Variants in C1orf198 observed in about 807,000 individuals in gnomAD.
C1orf198 encodes the protein chromosome 1 open reading frame 198, also known as uncharacterized protein C1orf198.
A neutral mutation model predicts 31.4 loss-of-function variants in C1orf198; 17 were observed. The observed-to-expected ratio is 0.54, with a 90% confidence interval of 0.37 to 0.81. C1orf198 has a LOEUF of 0.81. Ranked by LOEUF, C1orf198 falls within the 40% of genes least tolerant of loss-of-function variation. C1orf198 has a pLI of 0.00. For synonymous variants in C1orf198, 175 were observed against 193.8 expected (o/e 0.90, Z 0.81); for missense variants, 401 against 450.3 (o/e 0.89, Z 0.99).
rs538744259 is a variant in C1orf198 at position 230,850,724 on chromosome 1, C to G, written c.384+4944G>C. ...GGGACTGCTGGGCAGAGATGGGGGT[C>G]TCGGTGAGAAGCACAGAGACCAAGT... On this transcript the variant is annotated intron_variant, in intron 2 of 3. Transcript: ENST00000366663. Among the ~76,000 whole-genome samples the G allele has an allele frequency of 2.0e-5, 3 of 151,844 alleles. No homozygotes were observed. In the East Asian group the frequency reaches 5.8e-4, roughly 30 times the overall value.
chr1:230,849,776 A>G (rs1247356871), intron 2 of C1orf198, among the ~76,000 whole-genome samples: 1 of 152,264 alleles, frequency 6.6e-6, no homozygotes, highest in Non-Finnish European at 1.5e-5. Flanking sequence ...AGAAAAGATC[A>G]TCATTTACTG....
chr1:230,868,701 A>G (rs866123755), upstream of C1orf198: 75 of 170,662 alleles, frequency 4.4e-4, no homozygotes, highest in Middle Eastern at 8.8e-3. Context: ...CCTCCCCGGG[A>G]GCTCCTCCCT....
At position 230,839,765 on chromosome 1, in the gene C1orf198, T is replaced by C. The variant is rs1031368907; in HGVS notation, c.*87A>G. 25 of 1,121,878 alleles carry C rather than the reference T, an allele frequency of 2.2e-5. No individual in the cohort carries two copies. In the African/African-American group the frequency reaches 3.2e-4, roughly 14 times the overall value. 69.5% of individuals were successfully genotyped at this position (1,121,878 alleles called of 1,614,324 possible). ...AGTGTCAAGAAACCAGTAAAATACA[T>C]AGGAAAAGGTGGCCCTTTTTATCCT... On this transcript the variant is annotated 3_prime_UTR_variant, in exon 4 of 4. Coordinates refer to ENST00000366663, the MANE Select transcript of C1orf198 (RefSeq NM_032800.3).
At chr1:230,853,570 C>G (rs142819647) in intron 2 of C1orf198, among the ~76,000 whole-genome samples, 6 of 152,086 alleles carry the variant, frequency 3.9e-5, no homozygotes, top group Non-Finnish European at 7.4e-5. Flanking sequence ...TGCCCCTAGA[C>G]GTTTCTAATA....
chr1:230,846,455 C>T (rs1401475017), intron 2 of C1orf198, among the ~76,000 whole-genome samples: 2 of 152,254 alleles, frequency 1.3e-5, no homozygotes, highest in South Asian at 2.1e-4. Context: ...GCATATTTGT[C>T]AGGGCAAGGA....
upstream of C1orf198, chr1:230,868,615 C>T: frequency 6.5e-6 from 6 of 924,758 alleles, no homozygotes; most frequent in South Asian, 9.9e-5. Flanking sequence ...GGGAACCCCG[C>T]CCTGCACCGC....
Position 230,849,314 on chromosome 1 carries a change from G to A in C1orf198, c.385-5418C>T, listed in dbSNP as rs564263325. 9.2e-5 allele frequency among the ~76,000 whole-genome samples: 14 copies of A among 152,322 alleles called. No individual in the cohort carries two copies. In the East Asian group the frequency reaches 2.7e-3, roughly 29 times the overall value. Reference sequence around the variant, plus strand: ...GGAGGATGAGGCTCATGAAGGGGAGGAACCCATGGGCCATGGGACGCCAAC... The same window carrying A: ...GGAGGATGAGGCTCATGAAGGGGAGAAACCCATGGGCCATGGGACGCCAAC... On this transcript the variant is annotated intron_variant, in intron 2 of 3. Coordinates refer to ENST00000366663, the MANE Select transcript of C1orf198 (RefSeq NM_032800.3).
chr1:230,843,593 G>C lies in C1orf198; in HGVS notation c.688C>G (p.Arg230Gly), dbSNP rs377026998. 2 of 1,614,208 alleles carry C rather than the reference G, an allele frequency of 1.2e-6. No homozygotes were observed. The highest frequency in any genetic ancestry group is 3.3e-5 in the Admixed American group (2 of 60,020). Residue 230 changes from arginine (R) to glycine (G), a missense_variant, in exon 3 of 4, where the codon CGG becomes GGG. Arg to Gly is a moderately radical substitution (Grantham distance 125). Coordinates refer to ENST00000366663, the MANE Select transcript of C1orf198 (RefSeq NM_032800.3). This position sits in a 1 kb window ranked among gnomAD's most constrained non-coding sequence, Gnocchi z 4.9. ...CTGTCCTTCGGGGCAGGTTCCTGCC[G>C]GTAGCAGGGAGGCAAGACCTTTTCC... ...KGEKVLPPCY[R>G]QEPAPKDREA...
At chr1:230,863,317 G>C (rs1352240688) in intron 1 of C1orf198, among the ~76,000 whole-genome samples, 1 of 152,190 alleles carries the variant, frequency 6.6e-6, no homozygotes, top group Non-Finnish European at 1.5e-5. Flanking sequence ...ACAGGATACA[G>C]AGTAGGTGGA....
chr1:230,848,928 T>C (rs1038758297), intron 2 of C1orf198, among the ~76,000 whole-genome samples: 5 of 152,164 alleles, frequency 3.3e-5, no homozygotes, highest in Non-Finnish European at 7.4e-5. Context: ...TCTCAGGAAC[T>C]GCAGCCCATC....
intron 1 of C1orf198, among the ~76,000 whole-genome samples, chr1:230,859,965 G>A (rs552166425): frequency 8.5e-5 from 13 of 152,150 alleles, no homozygotes; most frequent in Non-Finnish European, 1.5e-4. Context: ...GTGGTTCCTA[G>A]ACACTTTTAT....
At chr1:230,847,567 C>T (rs1387335583) in intron 2 of C1orf198, among the ~76,000 whole-genome samples, 5 of 152,124 alleles carry the variant, frequency 3.3e-5, no homozygotes, top group Admixed American at 2.0e-4. Context: ...AGGTGGCCAC[C>T]AGGTATGACA....
At position 230,843,604 on chromosome 1, in the gene C1orf198, G is replaced by A. The variant is rs2102973695; in HGVS notation, c.677C>T (p.Pro226Leu). Residue 226 changes from proline to leucine, a missense_variant, in exon 3 of 4, where the codon CCT (proline) becomes CTT (leucine). By Grantham distance (98) the Pro-to-Leu change is moderately conservative. Coordinates refer to ENST00000366663, the MANE Select transcript of C1orf198 (RefSeq NM_032800.3). The surrounding 1 kb of genome is among the most constrained non-coding windows in gnomAD (Gnocchi z 4.9). ...GGCAGGTTCCTGCCGGTAGCAGGGAGGCAAGACCTTTTCCCCCTTCTCCAT... is the reference window on the plus strand; with the variant it reads ...GGCAGGTTCCTGCCGGTAGCAGGGAAGCAAGACCTTTTCCCCCTTCTCCAT... The part of the protein sequence containing the change: ...KSMEKGEKVL[P>L]PCYRQEPAPK... 4 of 1,614,238 alleles carry A rather than the reference G, an allele frequency of 2.5e-6. No individual in the cohort carries two copies. Among genetic ancestry groups the A allele is most frequent in the South Asian group, 2.2e-5 (2 of 91,082 alleles).
chr1:230,852,949 CA>C (rs1669782945), intron 2 of C1orf198, among the ~76,000 whole-genome samples: 1 of 152,196 alleles, frequency 6.6e-6, no homozygotes, highest in Non-Finnish European at 1.5e-5. Context: ...GCCTAAGCTT[CA>C]AAAGAGTCCT....
At position 230,839,119 on chromosome 1, in the gene C1orf198, C is replaced by A. The variant is rs1292787307; in HGVS notation, c.*733G>T. 1 of 152,248 alleles carries A rather than the reference C, an allele frequency of 6.6e-6. No individual in the cohort carries two copies. Among genetic ancestry groups the A allele is most frequent in the Non-Finnish European group, 1.5e-5 (1 of 68,048 alleles). 9.4% of individuals were successfully genotyped at this position (152,248 alleles called of 1,614,324 possible). ...ATATAAAACCAAGGAAAGTGGTAGC[C>A]CCATTGTTGATAATCTAGATACAAA... On this transcript the variant is annotated 3_prime_UTR_variant, in exon 4 of 4. Coordinates refer to ENST00000366663, the MANE Select transcript of C1orf198 (RefSeq NM_032800.3).
chr1:230,863,400 C>CAGA (rs145494789), intron 1 of C1orf198, among the ~76,000 whole-genome samples: 7 of 152,116 alleles, frequency 4.6e-5, no homozygotes, highest in African/African-American at 1.2e-4. Context: ...TTCATTTATT[C>CAGA]AGAAGAAGAA....
upstream of C1orf198, chr1:230,868,720 C>G: frequency 5.0e-6 from 1 of 198,512 alleles, no homozygotes; most frequent in Non-Finnish European, 9.7e-6. Flanking sequence ...CTCCGGGCCC[C>G]CCCCCGCCAC....
At chr1:230,860,051 A>C (rs143742697) in intron 1 of C1orf198, among the ~76,000 whole-genome samples, 102 of 152,294 alleles carry the variant, frequency 6.7e-4, no homozygotes, top group African/African-American at 2.3e-3. Context: ...TGATTGTAAA[A>C]TTTTGAGGAA....
Position 230,858,651 on chromosome 1 carries a change from G to A in C1orf198, c.334-2933C>T, listed in dbSNP as rs994169095. Reference sequence around the variant, plus strand: ...GGCCACCCAAATGGAAAGAGGAAGTGCATGAACACCTGCGGGGCAGGCAGA... The same window carrying A: ...GGCCACCCAAATGGAAAGAGGAAGTACATGAACACCTGCGGGGCAGGCAGA... On this transcript the variant is annotated intron_variant, in intron 1 of 3. Transcript: ENST00000366663. Among the ~76,000 whole-genome samples, 7 of 152,234 alleles carry A rather than the reference G, an allele frequency of 4.6e-5. No homozygotes were observed. In the East Asian group the frequency reaches 5.8e-4, roughly 13 times the overall value.
Sources: allele counts gnomAD v4.1 joint callset (sites outside exome capture counted in the v4.1 genomes callset), GRCh38; gene constraint gnomAD v4.1.1; non-coding constraint Gnocchi (gnomAD v3.1); transcripts MANE v1.5; gene names NCBI Gene and HGNC (gene_info 2026-07-23, HGNC 2026-07-21).